The following TNFRSF21 variants were observed in gnomAD, a reference collection of about 807,000 sequenced individuals.
The protein encoded by TNFRSF21 is tumor necrosis factor receptor superfamily member 21.
A neutral mutation model predicts 45.6 loss-of-function variants in TNFRSF21; 19 were observed. The ratio of observed to expected loss-of-function variants is 0.42; its 90% confidence interval spans 0.29 to 0.61. The LOEUF is 0.61. TNFRSF21 is among the 20% of genes least tolerant of loss of function. The probability of loss-of-function intolerance (pLI) is 0.23; values close to 1 mark genes in which losing one functional copy is unlikely to be tolerated. For synonymous variants in TNFRSF21, 314 were observed against 335.5 expected, an observed-to-expected ratio of 0.94 and a Z score of 0.70; for missense variants, 737 against 851.5, an observed-to-expected ratio of 0.87 and a Z score of 1.67.
At chr6:47,292,489 A>G (rs139586032) in intron 1 of TNFRSF21, among the ~76,000 whole-genome samples, 4 of 152,298 alleles carry the variant, frequency 2.6e-5, no homozygotes, top group African/African-American at 4.8e-5. Flanking sequence ...AAGCTTTCCA[A>G]GTGATTCTGA....
At chr6:47,295,328 G>A (rs1225011262) in intron 1 of TNFRSF21, among the ~76,000 whole-genome samples, 1 of 152,160 alleles carries the variant, frequency 6.6e-6, no homozygotes, top group African/African-American at 2.4e-5. Flanking sequence ...ACGTATTTTT[G>A]TCATTCTTGT....
At chr6:47,235,034 T>TA in intron 4 of TNFRSF21, 136 bp from the exon 5 acceptor site, 1 of 489,078 alleles carries the variant, frequency 2.0e-6, no homozygotes, top group Non-Finnish European at 3.4e-6. Context: ...GACCTTAACT[T>TA]ATTTATATGA....
At chr6:47,251,863 A>T (rs1271966270) in intron 4 of TNFRSF21, among the ~76,000 whole-genome samples, 1 of 152,172 alleles carries the variant, frequency 6.6e-6, no homozygotes, top group African/African-American at 2.4e-5. Context: ...CACCTAAATT[A>T]TTTCTTAGAA....
rs779131181 is a variant in TNFRSF21, at chr6:47,232,719, C to G, written c.*46G>C. ...AAACAGAAGAAAATTAAAAAACCAC[C>G]CTGCCACTAAATTGAGTAATTTCCA... On this transcript the variant is annotated 3_prime_UTR_variant, in exon 6 of 6. Transcript: ENST00000296861. 5.1e-6 allele frequency: 8 copies of G among 1,573,362 alleles called. No homozygotes were observed. Among genetic ancestry groups the G allele is most frequent in the Non-Finnish European group, 6.1e-6 (7 of 1,149,650 alleles).
intron 3 of TNFRSF21, among the ~76,000 whole-genome samples, chr6:47,256,386 TGGTGGCATAG>T (rs1764988969): frequency 6.6e-6 from 1 of 152,098 alleles, no homozygotes; most frequent in South Asian, 2.1e-4. Flanking sequence ...TAGCTGGGTG[TGGTGGCATAG>T]GCCTATATTC....
chr6:47,284,497 T>A (rs918811577), intron 2 of TNFRSF21, 65 bp from the exon 3 acceptor site: 1 of 1,458,840 alleles, frequency 6.9e-7, no homozygotes. Flanking sequence ...CATTCCCTCC[T>A]TTCCCTGGTC....
At chr6:47,233,068 G>A in intron 5 of TNFRSF21, 74 bp from the exon 6 acceptor site, 5 of 1,386,160 alleles carry the variant, frequency 3.6e-6, no homozygotes, top group Non-Finnish European at 5.0e-6. Flanking sequence ...AGGAGAGCAG[G>A]GTCCTAGAGA....
At chr6:47,239,517 G>A (rs908141631) in intron 4 of TNFRSF21, among the ~76,000 whole-genome samples, 11 of 152,082 alleles carry the variant, frequency 7.2e-5, no homozygotes, top group Admixed American at 3.9e-4. Flanking sequence ...ATAAGATTTC[G>A]AGGCAGCAAG....
chr6:47,298,368 G>C (rs370427504), intron 1 of TNFRSF21, among the ~76,000 whole-genome samples: 5 of 150,934 alleles, frequency 3.3e-5, no homozygotes, highest in Non-Finnish European at 5.9e-5. Flanking sequence ...AGGATCACTC[G>C]AGCCCAGGAG....
At chr6:47,251,454 A>C (rs1193667697) in intron 4 of TNFRSF21, among the ~76,000 whole-genome samples, 1 of 152,206 alleles carries the variant, frequency 6.6e-6, no homozygotes, top group African/African-American at 2.4e-5. Flanking sequence ...GGCACTTAGG[A>C]AGAAGCTGCT....
intron 4 of TNFRSF21, among the ~76,000 whole-genome samples, chr6:47,245,426 A>T (rs570943470): frequency 7.4e-6 from 1 of 135,592 alleles, no homozygotes; most frequent in Non-Finnish European, 1.6e-5. Flanking sequence ...TACTAAGAAG[A>T]AGTGTGTGTG....
chr6:47,303,062 C>T (rs1762893139), intron 1 of TNFRSF21, among the ~76,000 whole-genome samples: 1 of 152,178 alleles, frequency 6.6e-6, no homozygotes, highest in Non-Finnish European at 1.5e-5. Context: ...TATTCCTCCC[C>T]TCTGGGCTTT....
intron 3 of TNFRSF21, among the ~76,000 whole-genome samples, chr6:47,271,487 C>T (rs984533686): frequency 3.3e-5 from 5 of 152,164 alleles, no homozygotes; most frequent in African/African-American, 1.2e-4. Context: ...CACCACCAGG[C>T]CTGCCTTACA....
chr6:47,271,567 A>G (rs933561322), intron 3 of TNFRSF21, among the ~76,000 whole-genome samples: 5 of 152,322 alleles, frequency 3.3e-5, no homozygotes, highest in African/African-American at 7.2e-5. Flanking sequence ...AACATGCCAA[A>G]CTGTGAAGAC....
At chr6:47,254,805 A>G (rs1764956202) in intron 3 of TNFRSF21, among the ~76,000 whole-genome samples, 1 of 152,192 alleles carries the variant, frequency 6.6e-6, no homozygotes, top group Admixed American at 6.5e-5. Context: ...AACAATAGCT[A>G]TTATCTTCCA....
chr6:47,284,229 C>A lies in TNFRSF21; in HGVS notation c.952G>T (p.Ala318Ser). 1 of 1,613,936 alleles carries A rather than the reference C, an allele frequency of 6.2e-7. No homozygotes were observed. Among genetic ancestry groups the A allele is most frequent in the South Asian group, 1.1e-5 (1 of 91,044 alleles). Residue 318 changes from alanine to serine, a missense_variant, in exon 3 of 6, where the codon GCC becomes TCC. Physicochemically the swap from Ala to Ser is moderately conservative, Grantham distance 99 (BLOSUM62 1). Coordinates refer to ENST00000296861, the MANE Select transcript of TNFRSF21 (RefSeq NM_014452.5). ...GTGCTGGACTTCTCGCCCCCAGTGG[C>A]CTCCATGGACGGCAGCAGCTTCAGG... ...HILKLLPSME[A>S]TGGEKSSTPI... is the part of the protein sequence containing the mutation.
intron 4 of TNFRSF21, among the ~76,000 whole-genome samples, chr6:47,249,807 CA>C (rs765329333): frequency 2.0e-5 from 3 of 152,018 alleles, no homozygotes; most frequent in Non-Finnish European, 2.9e-5. Context: ...CATAATTAAG[CA>C]TGTGTGTTGT....
chr6:47,294,336 G>T (rs961159153), intron 1 of TNFRSF21, among the ~76,000 whole-genome samples: 1 of 152,186 alleles, frequency 6.6e-6, no homozygotes, highest in African/African-American at 2.4e-5. Flanking sequence ...TAGAGACAGG[G>T]TTTCACCATG....
At chr6:47,238,425 C>T (rs995065546) in intron 4 of TNFRSF21, among the ~76,000 whole-genome samples, 5 of 152,222 alleles carry the variant, frequency 3.3e-5, no homozygotes, top group Non-Finnish European at 5.9e-5. Flanking sequence ...TGACATAATC[C>T]TAACTTGGAA....
Sources: gnomAD v4.1 joint callset for allele counts (sites outside exome capture counted in the v4.1 genomes callset) on GRCh38, gnomAD v4.1.1 for gene constraint, MANE v1.5 for transcripts, NCBI Gene and HGNC (gene_info 2026-07-23, HGNC 2026-07-21) for gene names.